Variants in CFAP96 observed in about 807,000 individuals in gnomAD.
CFAP96 encodes cilia-and flagella-associated protein 96.
the CFAP96 span, chr4:185,418,861 A>G: frequency 1.0e-6 from 1 of 976,522 alleles, no homozygotes; most frequent in African/African-American, 1.6e-5. Context: ...GCATAGTAAA[A>G]CTCTCAATAC....
At chr4:185,436,716 AAT>A in the CFAP96 span, among the ~76,000 whole-genome samples, 1 of 129,522 alleles carries the variant, frequency 7.7e-6, no homozygotes, top group African/African-American at 3.4e-5. Flanking sequence ...TCTCAAAAAT[AAT>A]AATAATAATA....
chr4:185,448,902 A>G, the CFAP96 span, among the ~76,000 whole-genome samples: 2 of 152,188 alleles, frequency 1.3e-5, no homozygotes, highest in African/African-American at 4.8e-5. Flanking sequence ...ATAAGTGATT[A>G]TTCTTTTGAA....
chr4:185,447,216 C>T, the CFAP96 span, among the ~76,000 whole-genome samples: 1 of 149,236 alleles, frequency 6.7e-6, no homozygotes, highest in East Asian at 2.0e-4. Flanking sequence ...GAGTCTCACT[C>T]TGTCGCCCAG....
At chr4:185,446,861 T>A in the CFAP96 span, among the ~76,000 whole-genome samples, 3 of 152,222 alleles carry the variant, frequency 2.0e-5, no homozygotes, top group Non-Finnish European at 2.9e-5. Flanking sequence ...AAACATTTGC[T>A]TAAAAACCTG....
At chr4:185,418,519 A>T in the CFAP96 span, 8 of 1,609,622 alleles carry the variant, frequency 5.0e-6, no homozygotes, top group Non-Finnish European at 6.8e-6. Context: ...TAAATTTTTA[A>T]TACACAGACA....
chr4:185,442,843 C>T, the CFAP96 span, among the ~76,000 whole-genome samples: 2 of 152,086 alleles, frequency 1.3e-5, no homozygotes, highest in South Asian at 4.1e-4. Context: ...TTGTCATAAG[C>T]TGAATAACAA....
the CFAP96 span, among the ~76,000 whole-genome samples, chr4:185,412,659 AC>A: frequency 6.6e-6 from 1 of 152,150 alleles, no homozygotes; most frequent in African/African-American, 2.4e-5. Flanking sequence ...CAGTGAGGAT[AC>A]AGAGGGTATG....
the CFAP96 span, among the ~76,000 whole-genome samples, chr4:185,422,215 A>G: frequency 6.6e-6 from 1 of 152,202 alleles, no homozygotes; most frequent in African/African-American, 2.4e-5. Context: ...CTCATTGTGG[A>G]TATTTACATT....
chr4:185,408,850 C>T, the CFAP96 span, among the ~76,000 whole-genome samples: 1,118 of 152,278 alleles, frequency 7.3e-3, 7 homozygotes, highest in Non-Finnish European at 0.012. Flanking sequence ...CTTCCTTGAC[C>T]ATCCAGTCTA....
the CFAP96 span, chr4:185,431,942 G>C: frequency 7.0e-7 from 1 of 1,435,196 alleles, no homozygotes; most frequent in Non-Finnish European, 9.5e-7. Flanking sequence ...TTAATTGCTA[G>C]TCAGCTCAAA....
At chr4:185,415,912 CTAAATA>C in the CFAP96 span, 9 of 1,459,744 alleles carry the variant, frequency 6.2e-6, no homozygotes, top group African/African-American at 1.4e-5. Flanking sequence ...GCATTAAACA[CTAAATA>C]TAAAGAGTAA....
the CFAP96 span, chr4:185,425,926 G>A: frequency 9.0e-6 from 14 of 1,563,790 alleles, no homozygotes; most frequent in Non-Finnish European, 1.2e-5. Flanking sequence ...CCGGGGGCCG[G>A]CCCTGAAGTG....
chr4:185,430,922 G>A, the CFAP96 span, among the ~76,000 whole-genome samples: 18 of 149,180 alleles, frequency 1.2e-4, no homozygotes, highest in African/African-American at 4.5e-4. Context: ...AAAAAACTCA[G>A]TGATACTGGC....
At chr4:185,423,187 G>A in the CFAP96 span, among the ~76,000 whole-genome samples, 1 of 152,168 alleles carries the variant, frequency 6.6e-6, no homozygotes, top group Non-Finnish European at 1.5e-5. Context: ...AGTATCCTAT[G>A]CCCCCATGCC....
At chr4:185,424,269 G>A in the CFAP96 span, among the ~76,000 whole-genome samples, 8 of 152,080 alleles carry the variant, frequency 5.3e-5, no homozygotes, top group African/African-American at 1.9e-4. Context: ...TCACACCACT[G>A]CACTCCAGCC....
the CFAP96 span, among the ~76,000 whole-genome samples, chr4:185,425,085 C>A: frequency 0.81 from 123,232 of 152,166 alleles, 50,782 homozygotes; most frequent in East Asian, 0.88. Context: ...GTAAGAGTGG[C>A]GACAGTGACA....
the CFAP96 span, among the ~76,000 whole-genome samples, chr4:185,419,850 CAT>C: frequency 1.3e-5 from 2 of 152,146 alleles, no homozygotes; most frequent in Admixed American, 1.3e-4. Flanking sequence ...TTTTGGCTAT[CAT>C]ATATATGCTG....
chr4:185,434,331 T>C, the CFAP96 span, among the ~76,000 whole-genome samples: 2 of 152,244 alleles, frequency 1.3e-5, no homozygotes, highest in Non-Finnish European at 2.9e-5. Context: ...TTATTATTAC[T>C]ACTGTTTCTT....
At chr4:185,443,342 ATTTT>A in the CFAP96 span, among the ~76,000 whole-genome samples, 26 of 26,726 alleles carry the variant, frequency 9.7e-4, no homozygotes, top group South Asian at 2.1e-3. Flanking sequence ...ATATATATAT[ATTTT>A]TTTTTTTTTT....
Sources: gnomAD v4.1 joint callset for allele counts (sites outside exome capture counted in the v4.1 genomes callset) on GRCh38, gnomAD v4.1.1 for gene constraint, MANE v1.5 for transcripts, NCBI Gene and HGNC (gene_info 2026-07-23, HGNC 2026-07-21) for gene names.